The following GYPC variants were observed in gnomAD, a reference collection of about 807,000 sequenced individuals.
GYPC encodes the protein glycophorin C (Gerbich blood group).
A neutral mutation model predicts 12.6 loss-of-function variants in GYPC; 14 were observed. The ratio of observed to expected loss-of-function variants is 1.11; its 90% CI spans 0.74 to 1.74. GYPC has a LOEUF of 1.74. Among genes scored for constraint, GYPC ranks in the 40% most tolerant of loss-of-function variants. The pLI is 0.00. For synonymous variants in GYPC, 78 were observed against 62.1 expected (o/e 1.26, Z -1.20); for missense variants, 225 against 172.1 (o/e 1.31, Z -1.72).
intron 1 of GYPC, chr2:126,678,541 C>G (rs1320188395): frequency 1.3e-5 from 2 of 152,258 alleles, no homozygotes; most frequent in African/African-American, 4.8e-5. Flanking sequence ...TTTCCTGAAC[C>G]CTTGAGTTCT....
Position 126,696,484 on chromosome 2 carries a change from T to C in GYPC, c.*342T>C, listed in dbSNP as rs1573584134. ...AAAGTCCTTGTTGAGGGTGAGGGGG[T>C]GCTGGGGTACCCGGGGGCTGGGGAA... On this transcript the variant is annotated 3_prime_UTR_variant, in exon 4 of 4. Transcript: ENST00000259254. The C allele has an allele frequency of 5.4e-6, 2 of 368,196 alleles. No individual in the cohort carries two copies. The highest frequency in any genetic ancestry group is 2.1e-5 in the African/African-American group (1 of 47,546). 22.8% of individuals were successfully genotyped at this position (368,196 alleles called of 1,614,324 possible). A position where few individuals can be genotyped will look rare whatever the true frequency, so the allele number is the denominator to read the frequency against.
intron 1 of GYPC, among the ~76,000 whole-genome samples, chr2:126,687,589 A>G (rs978432845): frequency 2.0e-5 from 3 of 152,068 alleles, no homozygotes; most frequent in African/African-American, 7.2e-5. Context: ...ATTGTGAAAC[A>G]TGTGTAAATT....
chr2:126,677,496 TGTGTATGAGA>T (rs1558884918), intron 1 of GYPC, among the ~76,000 whole-genome samples: 9 of 146,040 alleles, frequency 6.2e-5, no homozygotes, highest in African/African-American at 2.0e-4. Flanking sequence ...AGTCTGAGTG[TGTGTATGAGA>T]GTGTGTGTGA....
At position 126,690,264 on chromosome 2, in the gene GYPC, C is replaced by T. The variant is rs143216051; in HGVS notation, c.59C>T (p.Pro20Leu). 1,109 of 1,612,290 alleles carry T rather than the reference C, an allele frequency of 6.9e-4. 7 individuals are homozygous for T. The African/African-American group carries it at 0.013, about 18-fold the overall frequency. Residue 20 changes from proline to leucine, a missense_variant, in exon 2 of 4, where the codon CCG (proline) becomes CTG (leucine). Pro to Leu is a moderately conservative substitution (Grantham distance 98). Coordinates refer to ENST00000259254, the MANE Select transcript of GYPC (RefSeq NM_002101.5). ...TAWPLSLEPDPGMASASTTMH... is the reference protein window; with the variant it reads ...TAWPLSLEPDLGMASASTTMH... Reference sequence around the variant, plus strand: ...TGTCCTCTGTTCACAGAGCCTGATCCGGGGATGGCCTCTGCCTCCACCACA... The same window carrying T: ...TGTCCTCTGTTCACAGAGCCTGATCTGGGGATGGCCTCTGCCTCCACCACA...
At chr2:126,681,957 C>A (rs1057299297) in intron 1 of GYPC, among the ~76,000 whole-genome samples, 12 of 152,242 alleles carry the variant, frequency 7.9e-5, no homozygotes, top group South Asian at 2.1e-4. Flanking sequence ...GGCCCTGAGC[C>A]TGGCAGATGG....
intron 2 of GYPC, among the ~76,000 whole-genome samples, chr2:126,691,456 G>A (rs1264530188): frequency 6.6e-6 from 1 of 152,062 alleles, no homozygotes; most frequent in Non-Finnish European, 1.5e-5. Flanking sequence ...CCTTTGTGTG[G>A]CCAAGTCCTG....
Position 126,685,777 on chromosome 2 carries a change from A to G in GYPC, c.50-4478A>G, listed in dbSNP as rs369901796. 1.9e-4 allele frequency: 191 copies of G among 984,866 alleles called. No homozygotes were observed. In the African/African-American group the frequency reaches 2.2e-3, roughly 11 times the overall value. 61.0% of individuals were successfully genotyped at this position (984,866 alleles called of 1,614,324 possible). A position where few individuals can be genotyped will look rare whatever the true frequency, so the allele number is the denominator to read the frequency against. On this transcript the variant is annotated intron_variant, in intron 1 of 3. Coordinates refer to ENST00000259254, the MANE Select transcript of GYPC (RefSeq NM_002101.5). ...CACCTGGCCAACTGTCAAGCAGTCAACGTTGCTGTTGCTGCTGCATCACTG... is the reference window on the plus strand; with the variant it reads ...CACCTGGCCAACTGTCAAGCAGTCAGCGTTGCTGTTGCTGCTGCATCACTG...
At position 126,656,314 on chromosome 2, in the gene GYPC, T is replaced by A. The variant is rs1682351102; in HGVS notation, c.49+2T>A. On this transcript the variant is annotated splice_donor_variant, in intron 1 of 3. Coordinates refer to ENST00000259254, the MANE Select transcript of GYPC (RefSeq NM_002101.5). LOFTEE classifies it high-confidence loss of function. ...GCACGGCGTGGCCTCTCAGCCTCGG[T>A]GAGTACCCGCCGTGGGGAAGGGTCC... is the stretch of plus-strand genomic sequence containing the variant. 1 of 1,579,190 alleles carries A rather than the reference T, an allele frequency of 6.3e-7. No homozygotes were observed. Among genetic ancestry groups the A allele is most frequent in the Non-Finnish European group, 8.6e-7 (1 of 1,163,982 alleles).
chr2:126,690,845 T>C (rs530499211), intron 2 of GYPC, among the ~76,000 whole-genome samples: 1 of 152,154 alleles, frequency 6.6e-6, no homozygotes, highest in Admixed American at 6.5e-5. Flanking sequence ...CAAACTGTGT[T>C]TGAAGAACAA....
At chr2:126,680,104 G>A (rs1195614223) in intron 1 of GYPC, 3 of 152,158 alleles carry the variant, frequency 2.0e-5, no homozygotes, top group African/African-American at 7.2e-5. Flanking sequence ...AACTCCAGTG[G>A]GGGGTCCAGA....
chr2:126,661,249 G>C (rs1682527517), intron 1 of GYPC, among the ~76,000 whole-genome samples: 1 of 152,026 alleles, frequency 6.6e-6, no homozygotes. Context: ...GCTTGGTGAG[G>C]GGTGCCTGCC....
At chr2:126,694,690 T>C (rs1324089741) in intron 3 of GYPC, among the ~76,000 whole-genome samples, 1 of 152,050 alleles carries the variant, frequency 6.6e-6, no homozygotes, top group Non-Finnish European at 1.5e-5. Context: ...CTGAAGGCAG[T>C]AGGAAGTTTA....
At chr2:126,679,857 A>G (rs1683106610) in intron 1 of GYPC, 1 of 146,820 alleles carries the variant, frequency 6.8e-6, no homozygotes, top group Non-Finnish European at 1.5e-5. Context: ...CTGGGCAACA[A>G]GAGTGAAAAA....
intron 1 of GYPC, chr2:126,678,583 A>G (rs908705801): frequency 3.3e-5 from 5 of 152,270 alleles, no homozygotes; most frequent in African/African-American, 1.2e-4. Context: ...GGAGGAGGAG[A>G]AGCCTTCTAG....
chr2:126,661,025 T>A (rs1682519943), intron 1 of GYPC, among the ~76,000 whole-genome samples: 1 of 152,248 alleles, frequency 6.6e-6, no homozygotes, highest in Admixed American at 6.5e-5. Flanking sequence ...CTATACATTT[T>A]CATTTTTCTA....
At chr2:126,671,559 G>A (rs1026655016) in intron 1 of GYPC, among the ~76,000 whole-genome samples, 6 of 152,202 alleles carry the variant, frequency 3.9e-5, no homozygotes, top group African/African-American at 1.4e-4. Context: ...GTCAATGTGT[G>A]TCCGTATTCT....
intron 1 of GYPC, among the ~76,000 whole-genome samples, chr2:126,671,385 C>A (rs1274354174): frequency 6.6e-6 from 1 of 152,250 alleles, no homozygotes; most frequent in Non-Finnish European, 1.5e-5. Flanking sequence ...GGACAACCAG[C>A]TAACACCCAA....
At chr2:126,690,373 A>G in intron 2 of GYPC, 62 bp downstream of exon 2, 5 of 1,209,342 alleles carry the variant, frequency 4.1e-6, no homozygotes, top group Non-Finnish European at 6.2e-6. Context: ...ATGAGCTCTC[A>G]TCACAGAGCC....
At chr2:126,693,229 A>G (rs1683529949) in intron 2 of GYPC, among the ~76,000 whole-genome samples, 1 of 152,172 alleles carries the variant, frequency 6.6e-6, no homozygotes, top group South Asian at 2.1e-4. Context: ...GTCACTGGAG[A>G]GCAGGTTGTT....
Sources: allele counts gnomAD v4.1 joint callset (sites outside exome capture counted in the v4.1 genomes callset), GRCh38; gene constraint gnomAD v4.1.1; transcripts MANE v1.5; gene names NCBI Gene and HGNC (gene_info 2026-07-23, HGNC 2026-07-21).